KCNB2: variants seen among roughly 807,000 people sequenced by gnomAD.
KCNB2 encodes delayed rectifier potassium channel protein.
A neutral mutation model predicts 61.5 loss-of-function variants in KCNB2; 15 were observed. The ratio of observed to expected loss-of-function variants is 0.24; its 90% CI spans 0.16 to 0.38. The LOEUF is 0.38. Ranked by LOEUF, KCNB2 falls within the 10% of genes least tolerant of loss-of-function variation. The pLI, the probability that KCNB2 is intolerant of heterozygous loss-of-function variation, is 1.00. For missense variants in KCNB2, 828 were observed against 1,125.2 expected, an observed-to-expected ratio of 0.74 and a Z score of 3.78; for synonymous variants, 457 against 446.0, an observed-to-expected ratio of 1.02 and a Z score of -0.31.
chr8:72,862,405 CACTA>C (rs1045282924), intron 2 of KCNB2, among the ~76,000 whole-genome samples: 1 of 152,112 alleles, frequency 6.6e-6, no homozygotes, highest in Non-Finnish European at 1.5e-5. Flanking sequence ...TAAAAGTGGC[CACTA>C]ACTGTATAGT....
intron 2 of KCNB2, among the ~76,000 whole-genome samples, chr8:72,584,482 A>G (rs933695851): frequency 1.3e-5 from 2 of 152,178 alleles, no homozygotes; most frequent in Non-Finnish European, 2.9e-5. Context: ...AGAGAAAAAA[A>G]CTATTAAAAA....
At chr8:72,831,161 C>G (rs1809687497) in intron 2 of KCNB2, among the ~76,000 whole-genome samples, 1 of 152,206 alleles carries the variant, frequency 6.6e-6, no homozygotes, top group African/African-American at 2.4e-5. Flanking sequence ...GCTTAGGCTG[C>G]GGGCTACCCC....
intron 2 of KCNB2, among the ~76,000 whole-genome samples, chr8:72,596,981 C>G (rs1807203225): frequency 8.4e-6 from 1 of 119,594 alleles, no homozygotes; most frequent in Non-Finnish European, 1.6e-5. Context: ...AACCAGCATG[C>G]TTGCTTGCTT....
intron 2 of KCNB2, among the ~76,000 whole-genome samples, chr8:72,865,126 C>T (rs1805494645): frequency 6.6e-6 from 1 of 152,164 alleles, no homozygotes; most frequent in Admixed American, 6.5e-5. Context: ...TATTCTGGGC[C>T]TTTCCCTTTA....
rs530184491 is a variant in KCNB2, at chr8:72,574,895, T to G, written c.579+6582T>G. 7.9e-5 allele frequency among the ~76,000 whole-genome samples: 12 copies of G among 152,328 alleles called. No homozygotes were observed. The South Asian group carries it at 2.3e-3, about 29-fold the overall frequency. ...CTCTTTTAGGTAAGCGTAAGTGTTA[T>G]GAAGGAAGGTTGCAATATTTAACAC... On this transcript the variant is annotated intron_variant, in intron 2 of 2. Transcript: ENST00000523207.
chr8:72,925,418 A>G (rs992161639), intron 2 of KCNB2, among the ~76,000 whole-genome samples: 1 of 152,256 alleles, frequency 6.6e-6, no homozygotes, highest in East Asian at 1.9e-4. Flanking sequence ...TTCAGAATGT[A>G]CACTTAAGAT....
At chr8:72,698,254 C>A (rs1349979903) in intron 2 of KCNB2, among the ~76,000 whole-genome samples, 3 of 119,528 alleles carry the variant, frequency 2.5e-5, no homozygotes, top group African/African-American at 1.1e-4. Context: ...AGAATCCAAT[C>A]CCATTTGTAA....
At chr8:72,891,168 A>G (rs544596600) in intron 2 of KCNB2, among the ~76,000 whole-genome samples, 2 of 152,332 alleles carry the variant, frequency 1.3e-5, no homozygotes, top group Admixed American at 1.3e-4. Context: ...TTAGAAAAAT[A>G]TTAATGGTTC....
chr8:72,869,767 T>C (rs926798138), intron 2 of KCNB2, among the ~76,000 whole-genome samples: 2 of 152,152 alleles, frequency 1.3e-5, no homozygotes, highest in Admixed American at 6.5e-5. Context: ...ATAGCCACTA[T>C]AGAAAATAGT....
intron 2 of KCNB2, among the ~76,000 whole-genome samples, chr8:72,608,651 C>G (rs527939043): frequency 1.3e-5 from 2 of 152,000 alleles, no homozygotes; most frequent in African/African-American, 4.8e-5. Flanking sequence ...AGGTATCCAG[C>G]AGGGGGAGAG....
At chr8:72,825,255 CAG>C (rs144289011) in intron 2 of KCNB2, among the ~76,000 whole-genome samples, 1 of 151,728 alleles carries the variant, frequency 6.6e-6, no homozygotes, top group South Asian at 2.1e-4. Flanking sequence ...AATAATATTC[CAG>C]AGAGAGAGAG....
chr8:72,552,176 GA>G (rs1806356127), intron 1 of KCNB2, among the ~76,000 whole-genome samples: 1 of 152,210 alleles, frequency 6.6e-6, no homozygotes, highest in Non-Finnish European at 1.5e-5. Flanking sequence ...AGTAGAGGTA[GA>G]AGGTGGTAGA....
chr8:72,739,735 G>A lies in KCNB2; in HGVS notation c.579+171422G>A, dbSNP rs530423045. Among the ~76,000 whole-genome samples the A allele has an allele frequency of 4.6e-5, 7 of 152,190 alleles. No individual in the cohort carries two copies. The South Asian group carries it at 1.5e-3, about 32-fold the overall frequency. On this transcript the variant is annotated intron_variant, in intron 2 of 2. Coordinates refer to ENST00000523207, the MANE Select transcript of KCNB2 (RefSeq NM_004770.3). ...TCCCTAAAACATGCCAAAAGATTTG[G>A]ACTTTGTCCTGTAGATCAAAGGAAG...
At chr8:72,668,320 A>C (rs568757297) in intron 2 of KCNB2, among the ~76,000 whole-genome samples, 1 of 152,296 alleles carries the variant, frequency 6.6e-6, no homozygotes, top group Admixed American at 6.5e-5. Flanking sequence ...TCCAGAGGCC[A>C]CATTGACACC....
chr8:72,562,999 G>A (rs994272241), intron 1 of KCNB2, among the ~76,000 whole-genome samples: 3 of 152,066 alleles, frequency 2.0e-5, no homozygotes, highest in African/African-American at 7.2e-5. Flanking sequence ...AAAGTTAAAG[G>A]ATAGAAAATC....
chr8:72,662,059 C>G (rs1806389930), intron 2 of KCNB2, among the ~76,000 whole-genome samples: 1 of 152,198 alleles, frequency 6.6e-6, no homozygotes, highest in African/African-American at 2.4e-5. Flanking sequence ...GGCAGAAATT[C>G]CAGCATCCAG....
At chr8:72,807,240 A>G (rs911009213) in intron 2 of KCNB2, among the ~76,000 whole-genome samples, 24 of 152,230 alleles carry the variant, frequency 1.6e-4, no homozygotes, top group African/African-American at 5.8e-4. Context: ...GTTATGTCCT[A>G]TATCTCAAAA....
rs113480851 is a variant in KCNB2 at position 72,820,989 on chromosome 8, G to GT, written c.580-114938dup. Among the ~76,000 whole-genome samples, 745 of 151,954 alleles carry GT rather than the reference G, an allele frequency of 4.9e-3. 5 individuals carry two copies. Among genetic ancestry groups the GT allele is most frequent in the African/African-American group, 0.016 (668 of 41,438 alleles). On this transcript the variant is annotated intron_variant, in intron 2 of 2. Transcript: ENST00000523207. ...TTCAAAAGAACTGTAATCTGCTAAA[G>GT]TTTTTTTTACAGTATTCTGTAACAT...
chr8:72,889,702 C>T (rs577979732), intron 2 of KCNB2, among the ~76,000 whole-genome samples: 3 of 152,146 alleles, frequency 2.0e-5, no homozygotes, highest in East Asian at 3.9e-4. Flanking sequence ...AAAAAGAACA[C>T]ATGCACTTGA....
Sources: allele counts gnomAD v4.1 joint callset (sites outside exome capture counted in the v4.1 genomes callset), GRCh38; gene constraint gnomAD v4.1.1; transcripts MANE v1.5; gene names NCBI Gene and HGNC (gene_info 2026-07-23, HGNC 2026-07-21).